The following NCAM1 variants were observed in gnomAD, a reference collection of about 807,000 sequenced individuals.
NCAM1 encodes the protein antigen recognized by monoclonal antibody 5.1H11.
A neutral mutation model predicts 109.8 loss-of-function variants in NCAM1; 14 were observed. The ratio of observed to expected loss-of-function variants is 0.13; its 90% confidence interval spans 0.08 to 0.20. The LOEUF is 0.20. Ranked by LOEUF, NCAM1 falls within the 10% of genes least tolerant of loss-of-function variation. The pLI, the probability that NCAM1 is intolerant of heterozygous loss-of-function variation, is 1.00. For synonymous variants in NCAM1, 418 were observed against 442.9 expected (o/e 0.94, Z 0.70); for missense variants, 774 against 1,109.9 (o/e 0.70, Z 4.30).
At chr11:113,230,072 T>G (rs1341753907) in intron 9 of NCAM1, among the ~76,000 whole-genome samples, 1 of 151,334 alleles carries the variant, frequency 6.6e-6, no homozygotes, top group African/African-American at 2.4e-5. Context: ...CCCTAAAACT[T>G]AAAGTATAAT....
chr11:113,220,973 A>G (rs1944676677), intron 8 of NCAM1, among the ~76,000 whole-genome samples: 1 of 152,154 alleles, frequency 6.6e-6, no homozygotes, highest in Non-Finnish European at 1.5e-5. Flanking sequence ...GTCACCAAAT[A>G]CTATGAGCAA....
At chr11:113,119,755 A>C (rs1428446316) in intron 1 of NCAM1, among the ~76,000 whole-genome samples, 1 of 152,270 alleles carries the variant, frequency 6.6e-6, no homozygotes, top group African/African-American at 2.4e-5. Context: ...TGGGTTCAGC[A>C]TGTCTCCTCT....
Position 113,205,563 on chromosome 11 carries a change from C to T in NCAM1, c.387C>T (p.Phe129=). 6.2e-7 allele frequency: 1 copy of T among 1,613,598 alleles called. No individual in the cohort carries two copies. Among genetic ancestry groups the T allele is most frequent in the Non-Finnish European group, 8.5e-7 (1 of 1,179,730 alleles). Residue 129 remains phenylalanine, a synonymous_variant, in exon 4 of 20, where the codon TTC becomes TTT. Coordinates refer to ENST00000316851, the MANE Select transcript of NCAM1 (RefSeq NM_181351.5). ...MFKNAPTPQE[F]REGEDAVIVC... is the part of the protein sequence containing the mutation. The stretch of plus-strand genomic sequence containing the variant: ...AGAATGCGCCAACCCCACAGGAGTT[C>T]CGGGAGGGGGAAGATGCCGTGATTG...
At chr11:113,174,591 G>A (rs564351691) in intron 1 of NCAM1, among the ~76,000 whole-genome samples, 34 of 152,218 alleles carry the variant, frequency 2.2e-4, no homozygotes, top group Non-Finnish European at 4.0e-4. Flanking sequence ...CAGAGACATG[G>A]AATGTCCCTA....
chr11:112,964,700 G>A (rs906499398), intron 1 of NCAM1, among the ~76,000 whole-genome samples: 4 of 152,178 alleles, frequency 2.6e-5, no homozygotes, highest in Non-Finnish European at 5.9e-5. Context: ...TTTTTAAACA[G>A]AATTTCACTG....
At chr11:112,973,747 GT>G (rs1950939909) in intron 1 of NCAM1, among the ~76,000 whole-genome samples, 1 of 152,122 alleles carries the variant, frequency 6.6e-6, no homozygotes, top group Admixed American at 6.6e-5. Flanking sequence ...AAAGTTCACA[GT>G]GAAGGGATAT....
chr11:113,253,485 A>G lies in NCAM1; in HGVS notation c.1829-2392A>G, dbSNP rs572965957. Among the ~76,000 whole-genome samples the G allele has an allele frequency of 4.6e-5, 7 of 152,262 alleles. No individual in the cohort carries two copies. In the South Asian group the frequency reaches 8.3e-4, roughly 18 times the overall value. On this transcript the variant is annotated intron_variant, in intron 15 of 19. Coordinates refer to ENST00000316851, the MANE Select transcript of NCAM1 (RefSeq NM_181351.5). ...ACAACAGAGCTGGAAGGAGCCCTAAATAGCATCCAATTCAGGGCCCATATT... is the reference window on the plus strand; with the variant it reads ...ACAACAGAGCTGGAAGGAGCCCTAAGTAGCATCCAATTCAGGGCCCATATT...
intron 1 of NCAM1, among the ~76,000 whole-genome samples, chr11:113,064,150 A>C (rs1591294965): frequency 6.6e-6 from 1 of 152,230 alleles, no homozygotes; most frequent in African/African-American, 2.4e-5. Flanking sequence ...CTGATATTGA[A>C]TGATTGACAT....
intron 1 of NCAM1, among the ~76,000 whole-genome samples, chr11:113,146,536 T>C: frequency 6.6e-6 from 1 of 152,204 alleles, no homozygotes; most frequent in East Asian, 1.9e-4. Flanking sequence ...TTTTCAGTAA[T>C]GGGCTTTCAG....
intron 1 of NCAM1, among the ~76,000 whole-genome samples, chr11:113,194,798 A>G (rs949999142): frequency 1.4e-4 from 21 of 152,194 alleles, no homozygotes; most frequent in Admixed American, 1.1e-3. Context: ...CTCAGGGGAA[A>G]CCCAGGAGCC....
intron 1 of NCAM1, among the ~76,000 whole-genome samples, chr11:112,990,981 C>T (rs1373353555): frequency 2.0e-5 from 3 of 152,182 alleles, no homozygotes; most frequent in African/African-American, 7.2e-5. Flanking sequence ...GTAGAGGGCT[C>T]TCAAATTATT....
chr11:113,261,347 G>C (rs1263905194), intron 17 of NCAM1, among the ~76,000 whole-genome samples: 3 of 152,144 alleles, frequency 2.0e-5, no homozygotes, highest in African/African-American at 7.2e-5. Flanking sequence ...CAACAAAACG[G>C]GATCAGTGTG....
At chr11:112,986,584 C>G (rs546652909) in intron 1 of NCAM1, among the ~76,000 whole-genome samples, 2 of 151,976 alleles carry the variant, frequency 1.3e-5, no homozygotes, top group South Asian at 4.1e-4. Context: ...GATTTAATAT[C>G]TTTACTTGTT....
At chr11:113,011,069 G>A (rs552481720) in intron 1 of NCAM1, among the ~76,000 whole-genome samples, 2 of 148,304 alleles carry the variant, frequency 1.3e-5, no homozygotes, top group South Asian at 2.2e-4. Context: ...CCACTAACTC[G>A]TCATCTAGCA....
chr11:113,199,829 T>TAAAAAAAAAAAAAA (rs1555111558), intron 1 of NCAM1, among the ~76,000 whole-genome samples: 1 of 115,766 alleles, frequency 8.6e-6, no homozygotes, highest in African/African-American at 3.4e-5. Flanking sequence ...GAAACACCCT[T>TAAAAAAAAAAAAAA]AAAAAAAAAA....
chr11:112,967,112 A>C (rs1950747809), intron 1 of NCAM1, among the ~76,000 whole-genome samples: 1 of 152,134 alleles, frequency 6.6e-6, no homozygotes, highest in African/African-American at 2.4e-5. Context: ...TACTCTGAGG[A>C]CTTTTTGATT....
chr11:112,990,721 G>A (rs4479020), intron 1 of NCAM1, among the ~76,000 whole-genome samples: 69,109 of 151,322 alleles, frequency 0.46, 16,551 homozygotes, highest in East Asian at 0.8. Flanking sequence ...TTTGATAGAA[G>A]GACAATGATC....
At chr11:113,155,149 G>A (rs1318563569) in intron 1 of NCAM1, among the ~76,000 whole-genome samples, 1 of 152,214 alleles carries the variant, frequency 6.6e-6, no homozygotes, top group Non-Finnish European at 1.5e-5. Flanking sequence ...TGCCTGGGCA[G>A]TGAGGAAGGA....
chr11:113,213,638 T>C (rs1336195675), intron 7 of NCAM1, among the ~76,000 whole-genome samples: 1 of 152,204 alleles, frequency 6.6e-6, no homozygotes, highest in Non-Finnish European at 1.5e-5. Flanking sequence ...CTCTGTTCAG[T>C]TGCCACTTAT....
Sources: allele counts gnomAD v4.1 joint callset (sites outside exome capture counted in the v4.1 genomes callset), GRCh38; gene constraint gnomAD v4.1.1; transcripts MANE v1.5; gene names NCBI Gene and HGNC (gene_info 2026-07-23, HGNC 2026-07-21).